The following NEGR1 variants were observed in gnomAD, a reference collection of about 807,000 sequenced individuals.
NEGR1 encodes the protein neuronal growth regulator 1.
NEGR1 carries 10 observed loss-of-function variants against 40.9 expected under a neutral mutation model. The observed-to-expected ratio is 0.24, with a 90% confidence interval of 0.15 to 0.42. The LOEUF (loss-of-function observed/expected upper bound fraction) is 0.42. NEGR1 is among the 10% of genes least tolerant of loss of function. NEGR1 has a pLI of 1.00. For missense variants in NEGR1, 352 were observed against 438.9 expected, an observed-to-expected ratio of 0.80 and a Z score of 1.77; for synonymous variants, 185 against 166.8, an observed-to-expected ratio of 1.11 and a Z score of -0.84.
chr1:71,480,536 C>A (rs1646848131), intron 6 of NEGR1, among the ~76,000 whole-genome samples: 2 of 151,790 alleles, frequency 1.3e-5, no homozygotes, highest in African/African-American at 4.8e-5. Flanking sequence ...GGGCATGGAT[C>A]TTTGTACTCC....
chr1:71,467,586 A>G (rs1646755171), intron 6 of NEGR1, among the ~76,000 whole-genome samples: 1 of 152,024 alleles, frequency 6.6e-6, no homozygotes, highest in Admixed American at 6.6e-5. Context: ...ATTTATGACT[A>G]TTGATAATTA....
At chr1:71,416,709 T>A (rs1304728953) in intron 6 of NEGR1, among the ~76,000 whole-genome samples, 1 of 152,208 alleles carries the variant, frequency 6.6e-6, no homozygotes, top group Non-Finnish European at 1.5e-5. Flanking sequence ...ACTTTTTCAG[T>A]CTTATACCTG....
At chr1:72,016,204 G>A (rs559119458) in intron 1 of NEGR1, among the ~76,000 whole-genome samples, 1 of 152,012 alleles carries the variant, frequency 6.6e-6, no homozygotes, top group East Asian at 1.9e-4. Context: ...CAAAATAATT[G>A]ATGAAATGTG....
intron 6 of NEGR1, among the ~76,000 whole-genome samples, chr1:71,581,226 T>C (rs961410148): frequency 6.6e-6 from 1 of 152,152 alleles, no homozygotes; most frequent in Non-Finnish European, 1.5e-5. Flanking sequence ...ATGGTGGGAA[T>C]GTTTATACCA....
chr1:71,917,408 T>A (rs1392730606), intron 2 of NEGR1, among the ~76,000 whole-genome samples: 1 of 152,200 alleles, frequency 6.6e-6, no homozygotes, highest in African/African-American at 2.4e-5. Context: ...ATGAAATATC[T>A]GTGAATTTGA....
intron 6 of NEGR1, among the ~76,000 whole-genome samples, chr1:71,487,774 C>A (rs1557543098): frequency 6.6e-6 from 1 of 151,306 alleles, no homozygotes; most frequent in Non-Finnish European, 1.5e-5. Context: ...TAAATCTTTT[C>A]TTTTGTATGC....
chr1:71,563,279 A>G (rs761314818), intron 6 of NEGR1, among the ~76,000 whole-genome samples: 2 of 151,960 alleles, frequency 1.3e-5, no homozygotes, highest in African/African-American at 2.4e-5. Context: ...AGACACATCT[A>G]TGAATTTTGC....
At chr1:71,864,531 G>A (rs1660056613) in intron 2 of NEGR1, among the ~76,000 whole-genome samples, 1 of 152,128 alleles carries the variant, frequency 6.6e-6, no homozygotes, top group Admixed American at 6.6e-5. Context: ...ATTGATAAAT[G>A]TTGTATAGTA....
chr1:71,940,653 G>T (rs1937189), intron 1 of NEGR1, among the ~76,000 whole-genome samples: 7 of 152,022 alleles, frequency 4.6e-5, no homozygotes, highest in Non-Finnish European at 1.0e-4. Context: ...GCAGGTCTCT[G>T]TTTTGGGGGT....
chr1:71,675,126 T>TATATATATATATATATAC (rs145354058), intron 4 of NEGR1, among the ~76,000 whole-genome samples: 10 of 77,826 alleles, frequency 1.3e-4, no homozygotes, highest in African/African-American at 3.7e-4. Flanking sequence ...TATATATATA[T>TATATATATATATATATAC]ACACACACAC....
At chr1:71,962,935 T>G (rs1408971127) in intron 1 of NEGR1, among the ~76,000 whole-genome samples, 1 of 152,002 alleles carries the variant, frequency 6.6e-6, no homozygotes, top group East Asian at 1.9e-4. Context: ...ACCTTTTGTC[T>G]TAAAAACAAT....
At chr1:72,177,609 T>A (rs1461742725) in intron 1 of NEGR1, among the ~76,000 whole-genome samples, 1 of 152,076 alleles carries the variant, frequency 6.6e-6, no homozygotes, top group Non-Finnish European at 1.5e-5. Flanking sequence ...GCCTATTTTT[T>A]AATTTTCTTA....
intron 2 of NEGR1, among the ~76,000 whole-genome samples, chr1:71,835,219 C>T (rs1658985600): frequency 1.3e-5 from 2 of 152,102 alleles, no homozygotes; most frequent in Non-Finnish European, 2.9e-5. Context: ...CAAAACAAAA[C>T]TCTGAACTGG....
intron 6 of NEGR1, among the ~76,000 whole-genome samples, chr1:71,568,643 GA>G (rs1410484943): frequency 2.0e-5 from 3 of 151,128 alleles, no homozygotes; most frequent in Admixed American, 1.3e-4. Flanking sequence ...AAAATATAAG[GA>G]AAAAAATACA....
At chr1:71,707,012 G>A (rs184806350) in intron 3 of NEGR1, among the ~76,000 whole-genome samples, 39 of 151,954 alleles carry the variant, frequency 2.6e-4, no homozygotes, top group Non-Finnish European at 4.7e-4. Context: ...GAAGGAAAAC[G>A]AGATCAAACT....
intron 1 of NEGR1, among the ~76,000 whole-genome samples, chr1:72,022,260 C>CATATATATATATATATAT (rs59160727): frequency 1.1e-4 from 12 of 111,662 alleles, no homozygotes; most frequent in African/African-American, 2.5e-4. Context: ...AAACAATTTT[C>CATATATATATATATATAT]ATATATATAT....
intron 1 of NEGR1, among the ~76,000 whole-genome samples, chr1:72,212,403 A>G (rs1164946880): frequency 3.3e-5 from 5 of 151,936 alleles, no homozygotes; most frequent in Non-Finnish European, 7.4e-5. Flanking sequence ...GGACCAAATT[A>G]AAACATTGGC....
chr1:72,085,202 G>C (rs1170962572), intron 1 of NEGR1, among the ~76,000 whole-genome samples: 1 of 152,066 alleles, frequency 6.6e-6, no homozygotes, highest in Admixed American at 6.6e-5. Context: ...GCATAATTAT[G>C]GGTATATGCG....
intron 6 of NEGR1, among the ~76,000 whole-genome samples, chr1:71,576,280 T>C (rs1206154438): frequency 6.6e-6 from 1 of 152,216 alleles, no homozygotes; most frequent in Admixed American, 6.5e-5. Flanking sequence ...GTTGTTCTCC[T>C]CTTCTCAGAA....
Sources: gnomAD v4.1 joint callset for allele counts (sites outside exome capture counted in the v4.1 genomes callset) on GRCh38, gnomAD v4.1.1 for gene constraint, MANE v1.5 for transcripts, NCBI Gene and HGNC (gene_info 2026-07-23, HGNC 2026-07-21) for gene names.